The following FAT1 variants were observed in gnomAD, a reference collection of about 807,000 sequenced individuals.
FAT1 encodes the protein FAT atypical cadherin 1.
In FAT1, 171 loss-of-function variants were observed where a neutral mutation model predicts 329.8. The ratio of observed to expected loss-of-function variants is 0.52; its 90% confidence interval spans 0.46 to 0.59. The LOEUF (loss-of-function observed/expected upper bound fraction) is 0.59, where lower values mean the gene tolerates loss of function less well. FAT1 is among the 20% of genes least tolerant of loss of function. The probability of loss-of-function intolerance (pLI) is 0.00; values close to 1 mark genes in which losing one functional copy is unlikely to be tolerated. For missense variants in FAT1, 5,672 were observed against 5,774.4 expected (o/e 0.98, Z 0.57); for synonymous variants, 2,233 against 2,228.6 (o/e 1.00, Z -0.06).
At chr4:186,648,810 C>T (rs191030827) in intron 3 of FAT1, among the ~76,000 whole-genome samples, 1 of 152,302 alleles carries the variant, frequency 6.6e-6, no homozygotes, top group African/African-American at 2.4e-5. Context: ...ACTCTCCACT[C>T]ATGAGGACCC....
In FAT1 at chr4:186,599,897, C is replaced by T. The variant is rs2126409073; in HGVS notation, c.12103+1G>A. On this transcript the variant is annotated splice_donor_variant, in intron 22 of 26. Transcript: ENST00000441802. LOFTEE classifies it high-confidence loss of function. ...AAAGATGGCAACATTACGGAGCCCA[C>T]CTCCAGCAGGTGACGGATTGCAAAC... 2 of 1,606,814 alleles carry T rather than the reference C, an allele frequency of 1.2e-6. No homozygotes were observed. Among genetic ancestry groups the T allele is most frequent in the Non-Finnish European group, 8.5e-7 (1 of 1,175,310 alleles).
chr4:186,675,813 AC>A, intron 2 of FAT1, among the ~76,000 whole-genome samples: 1 of 150,924 alleles, frequency 6.6e-6, no homozygotes, highest in South Asian at 2.1e-4. Flanking sequence ...ACACACACAC[AC>A]ACACACACAC....
At chr4:186,689,139 T>C (rs190906985) in intron 2 of FAT1, among the ~76,000 whole-genome samples, 1 of 152,356 alleles carries the variant, frequency 6.6e-6, no homozygotes, top group East Asian at 1.9e-4. Context: ...AAGATTTCAC[T>C]TCACTTGGAA....
intron 3 of FAT1, among the ~76,000 whole-genome samples, chr4:186,656,533 G>A (rs1256635773): frequency 1.3e-5 from 2 of 151,998 alleles, no homozygotes; most frequent in South Asian, 2.1e-4. Context: ...TTTATGAGGT[G>A]TGCTACCCAC....
At chr4:186,656,221 G>C (rs1214427897) in intron 3 of FAT1, among the ~76,000 whole-genome samples, 1 of 152,210 alleles carries the variant, frequency 6.6e-6, no homozygotes, top group Non-Finnish European at 1.5e-5. Flanking sequence ...TGACTTGGGC[G>C]TGACACAGAT....
At chr4:186,709,965 C>T (rs1219292145) in intron 1 of FAT1, 120 bp from the exon 2 acceptor site, 2 of 896,664 alleles carry the variant, frequency 2.2e-6, no homozygotes, top group African/African-American at 1.7e-5. Flanking sequence ...TAAATAAATG[C>T]AACGGTTTGG....
chr4:186,614,073 C>G (rs1739588979), intron 12 of FAT1, 118 bp downstream of exon 12: 5 of 806,900 alleles, frequency 6.2e-6, no homozygotes, highest in Admixed American at 2.9e-5. Flanking sequence ...TTCGGAGCAT[C>G]AGAATACATT....
At chr4:186,709,897 A>C (rs1025254978) in intron 1 of FAT1, 52 bp from the exon 2 acceptor site, 14 of 1,457,890 alleles carry the variant, frequency 9.6e-6, no homozygotes, top group Admixed American at 2.3e-5. Flanking sequence ...AACAAGCAAA[A>C]GTGTGTACAT....
intron 3 of FAT1, among the ~76,000 whole-genome samples, chr4:186,660,865 T>C (rs972296876): frequency 2.0e-5 from 3 of 152,206 alleles, no homozygotes; most frequent in Non-Finnish European, 4.4e-5. Flanking sequence ...TGCTAAGCTA[T>C]ATAATCTCCT....
chr4:186,611,833 T>G, intron 13 of FAT1, 58 bp from the exon 14 acceptor site: 1 of 1,419,562 alleles, frequency 7.0e-7, no homozygotes, highest in Admixed American at 2.5e-5. Context: ...AACACTTTTT[T>G]TTTTTTTTGA....
intron 3 of FAT1, among the ~76,000 whole-genome samples, chr4:186,647,291 C>T (rs948832188): frequency 3.9e-5 from 6 of 152,238 alleles, no homozygotes; most frequent in Admixed American, 6.5e-5. Context: ...ATTTTATATG[C>T]GTCACTCTCA....
chr4:186,724,583 G>A (rs1344501916), upstream of FAT1, among the ~76,000 whole-genome samples: 17 of 152,176 alleles, frequency 1.1e-4, no homozygotes, highest in Admixed American at 1.1e-3. The surrounding 1 kb of genome is among the most constrained non-coding windows in gnomAD (Gnocchi z 5.3). Context: ...GTGACCCCAG[G>A]CCGACAACTG....
rs753773145 is a variant in FAT1 at position 186,636,761 on chromosome 4, C to CA, written c.3795dup (p.Ala1266CysfsTer16). The CA allele has an allele frequency of 6.2e-7, 1 of 1,613,884 alleles. No homozygotes were observed. ...ACGTGATAGAGCGGCTCCCGTCTGG[C>CA]ATTTCTTTCTCGGTCTGGCTTTTCC... On this transcript the variant is annotated frameshift_variant, in exon 5 of 27. Transcript: ENST00000441802. LOFTEE classifies it high-confidence loss of function.
Position 186,709,007 on chromosome 4 carries a change from G to A in FAT1, c.821C>T (p.Ala274Val), listed in dbSNP as rs2126700797. ...PSELDRDPAYAIVTVDDCDQG... is the reference protein window; with the variant it reads ...PSELDRDPAYVIVTVDDCDQG... ...ATCGCAGTCATCCACTGTCACAATT[G>A]CATATGCTGGGTCCCTGTCCAGTTC... The change falls in exon 2 of 27, where the codon GCA (alanine) becomes GTA (valine). Residue 274 changes from alanine (A) to valine (V), a missense_variant. By Grantham distance (64) the Ala-to-Val change is moderately conservative (BLOSUM62 0). Coordinates refer to ENST00000441802, the MANE Select transcript of FAT1 (RefSeq NM_005245.4). 6.2e-7 allele frequency: 1 copy of A among 1,614,004 alleles called. No homozygotes were observed. The highest frequency in any genetic ancestry group is 1.1e-5 in the South Asian group (1 of 91,088).
chr4:186,594,077 T>G (rs1307154011), intron 26 of FAT1, among the ~76,000 whole-genome samples: 2 of 152,140 alleles, frequency 1.3e-5, no homozygotes, highest in Non-Finnish European at 2.9e-5. Flanking sequence ...GGACTATTTT[T>G]TTTTTTGAGA....
At chr4:186,647,311 C>G (rs1339804199) in intron 3 of FAT1, among the ~76,000 whole-genome samples, 1 of 152,154 alleles carries the variant, frequency 6.6e-6, no homozygotes, top group African/African-American at 2.4e-5. Flanking sequence ...ACTGGATACT[C>G]ACAGCAACCC....
intron 2 of FAT1, among the ~76,000 whole-genome samples, chr4:186,700,045 G>A (rs1744227785): frequency 6.6e-6 from 1 of 152,128 alleles, no homozygotes; most frequent in Admixed American, 6.5e-5. Flanking sequence ...CGGTGAGTAA[G>A]CTTACTCTGG....
At chr4:186,590,262 A>T in intron 26 of FAT1, 1 of 557,958 alleles carries the variant, frequency 1.8e-6, no homozygotes, top group Non-Finnish European at 3.1e-6. Flanking sequence ...GTACTTAGTT[A>T]CTGCTGCAAA....
Position 186,611,509 on chromosome 4 carries a change from GA to G in FAT1, c.9729del (p.Val3245LeufsTer25), listed in dbSNP as rs1445858471. On this transcript the variant is annotated frameshift_variant, in exon 14 of 27. Transcript: ENST00000441802. LOFTEE classifies it high-confidence loss of function. ...ACTTGAAGAACTTCAGTTCCAACAAGAATGTCCTCAGACACGGTGGCACCAT... is the reference window on the plus strand; with the variant it reads ...ACTTGAAGAACTTCAGTTCCAACAAGATGTCCTCAGACACGGTGGCACCAT... ...REYGATVSED[I>X]LVGTEVLQVY... 1.2e-6 allele frequency: 2 copies of G among 1,613,938 alleles called. No individual in the cohort carries two copies. The highest frequency in any genetic ancestry group is 2.2e-5 in the South Asian group (2 of 91,076).
Sources: gnomAD v4.1 joint callset for allele counts (sites outside exome capture counted in the v4.1 genomes callset) on GRCh38, gnomAD v4.1.1 for gene constraint, Gnocchi (gnomAD v3.1) non-coding constraint, MANE v1.5 for transcripts, NCBI Gene and HGNC (gene_info 2026-07-23, HGNC 2026-07-21) for gene names.